Variants in WDCP observed in about 807,000 individuals in gnomAD.
WDCP encodes the protein WD repeat and coiled coil containing, also known as WD repeat and coiled-coil-containing protein.
A neutral mutation model predicts 41.6 loss-of-function variants in WDCP; 19 were observed. That is an observed-to-expected ratio of 0.46 (90% confidence interval 0.32 to 0.67). WDCP has a LOEUF of 0.67. Among genes scored for constraint, WDCP ranks in the 30% least tolerant of loss-of-function variants. The pLI, the probability that WDCP is intolerant of heterozygous loss-of-function variation, is 0.04. For synonymous variants in WDCP, 302 were observed against 320.8 expected (o/e 0.94, Z 0.63); for missense variants, 802 against 850.7 (o/e 0.94, Z 0.71).
intron 1 of WDCP, among the ~76,000 whole-genome samples, chr2:24,041,737 C>G (rs1253418033): frequency 6.6e-6 from 1 of 151,592 alleles, no homozygotes; most frequent in Non-Finnish European, 1.5e-5. Flanking sequence ...CCTGTAATCC[C>G]AGCTACTCGG....
chr2:24,038,048 T>C lies in WDCP; in HGVS notation c.1447A>G (p.Asn483Asp). The change falls in exon 2 of 4, where the codon AAT becomes GAT. Residue 483 changes from asparagine to aspartate, a missense_variant. Physicochemically the swap from Asn to Asp is conservative, Grantham distance 23. Around this residue, in one of 5 missense-constraint regions of WDCP, gnomAD observed 321 missense variants for 305.1 expected, o/e 1.05. Coordinates refer to ENST00000295148, the MANE Select transcript of WDCP (RefSeq NM_025203.3). ...HQNKGLLLTV[N>D]TSSQNGRPGR... ...GGCCTTCCATTCTGACTACTGGTAT[T>C]AACTGTCAGCAACAGCCCTTTGTTT... 2 of 1,614,202 alleles carry C rather than the reference T, an allele frequency of 1.2e-6. No individual in the cohort carries two copies. Among genetic ancestry groups the C allele is most frequent in the Non-Finnish European group, 1.7e-6 (2 of 1,180,028 alleles).
chr2:24,042,529 C>T (rs1381289278), intron 1 of WDCP, among the ~76,000 whole-genome samples: 8 of 133,824 alleles, frequency 6.0e-5, no homozygotes, highest in Middle Eastern at 4.1e-3. Context: ...GAGCAATACT[C>T]CGTCTCAAAA....
At chr2:24,035,872 C>T (rs1663233955) in intron 2 of WDCP, among the ~76,000 whole-genome samples, 1 of 151,654 alleles carries the variant, frequency 6.6e-6, no homozygotes, top group African/African-American at 2.4e-5. Flanking sequence ...AGATTGAGCT[C>T]ATCCTGGCCA....
At chr2:24,042,535 C>CAAAAAA (rs35044474) in intron 1 of WDCP, among the ~76,000 whole-genome samples, 1 of 61,576 alleles carries the variant, frequency 1.6e-5, no homozygotes, top group Non-Finnish European at 2.9e-5. Flanking sequence ...TACTCCGTCT[C>CAAAAAA]AAAAAAAAAA....
intron 2 of WDCP, among the ~76,000 whole-genome samples, chr2:24,036,142 A>G (rs1029313658): frequency 2.0e-5 from 3 of 149,986 alleles, no homozygotes; most frequent in African/African-American, 7.3e-5. Context: ...CTGTGACTTA[A>G]AAAAAAAAAT....
chr2:24,046,113 G>A (rs1430897901), intron 1 of WDCP, among the ~76,000 whole-genome samples: 1 of 151,852 alleles, frequency 6.6e-6, no homozygotes. Flanking sequence ...GACCCTGTTG[G>A]GGAGGTGGGG....
At chr2:24,040,806 T>TAC (rs2150952465) in intron 1 of WDCP, among the ~76,000 whole-genome samples, 1 of 150,334 alleles carries the variant, frequency 6.7e-6, no homozygotes, top group African/African-American at 2.4e-5. Flanking sequence ...CACCTGAGGT[T>TAC]GGGAGTTCGA....
intron 1 of WDCP, 21 bp from the exon 2 acceptor site, chr2:24,039,533 A>T: frequency 6.3e-7 from 1 of 1,590,306 alleles, no homozygotes; most frequent in Non-Finnish European, 8.6e-7. Flanking sequence ...TAAGAAGGAA[A>T]GTTACACCAT....
chr2:24,032,881 C>G lies in WDCP; in HGVS notation c.1884G>C (p.Arg628Ser). The G allele has an allele frequency of 6.2e-7, 1 of 1,613,808 alleles. No homozygotes were observed. Residue 628 changes from arginine to serine, a missense_variant, in exon 3 of 4, where the codon AGG (arginine) becomes AGC (serine). Arg to Ser is a moderately radical substitution (Grantham distance 110, BLOSUM62 -1). Transcript: ENST00000295148. ...CAAAAGTCTGCTGAACTGTACTGAG[C>G]CTTAGTTTACCATCACAGAGAAGCA... ...RAVLLCDGKL[R>S]LSTVQQTFGL...
rs746298020 is a variant in WDCP, at chr2:24,038,533, A to G, written c.962T>C (p.Leu321Pro). 13 of 1,614,272 alleles carry G rather than the reference A, an allele frequency of 8.1e-6. No individual in the cohort carries two copies. Among genetic ancestry groups the G allele is most frequent in the Non-Finnish European group, 2.5e-6 (3 of 1,180,052 alleles). Residue 321 changes from leucine (L) to proline (P), a missense_variant, in exon 2 of 4, where the codon CTT (leucine) becomes CCT (proline). Leu to Pro is a moderately conservative substitution (Grantham distance 98). Coordinates refer to ENST00000295148, the MANE Select transcript of WDCP (RefSeq NM_025203.3). Reference sequence around the variant, plus strand: ...GGTAACTGCCTTCTTAAAGGTCACAAGGACCAAATGTGAAGAATCTTGGCC... The same window carrying G: ...GGTAACTGCCTTCTTAAAGGTCACAGGGACCAAATGTGAAGAATCTTGGCC... ...GTGQDSSHLV[L>P]VTFKKAVTMT...
At chr2:24,043,263 G>A (rs1483198926) in intron 1 of WDCP, among the ~76,000 whole-genome samples, 1 of 152,180 alleles carries the variant, frequency 6.6e-6, no homozygotes, top group African/African-American at 2.4e-5. Flanking sequence ...TTGAACCTGG[G>A]AGGCAGATGT....
intron 1 of WDCP, 62 bp from the exon 2 acceptor site, chr2:24,039,574 C>T: frequency 6.7e-7 from 1 of 1,486,944 alleles, no homozygotes; most frequent in Non-Finnish European, 9.1e-7. Context: ...GAATGTAGGA[C>T]ATTTGGTAAG....
chr2:24,039,019 A>T lies in WDCP; in HGVS notation c.476T>A (p.Ile159Asn). 1 of 1,614,176 alleles carries T rather than the reference A, an allele frequency of 6.2e-7. No homozygotes were observed. The highest frequency in any genetic ancestry group is 1.1e-5 in the South Asian group (1 of 91,088). ...VKADINTQGRIHCACWTQDGL... is the reference protein window; with the variant it reads ...VKADINTQGRNHCACWTQDGL... ...ATCCTGGGTCCAACATGCACAGTGA[A>T]TGCGGCCCTGGGTGTTGATGTCTGC... Residue 159 changes from isoleucine (I) to asparagine (N), a missense_variant, in exon 2 of 4, where the codon ATT becomes AAT. Transcript: ENST00000295148.
At chr2:24,031,359 A>G (rs1188326212) in intron 3 of WDCP, among the ~76,000 whole-genome samples, 197 bp from the exon 4 acceptor site, 2 of 152,214 alleles carry the variant, frequency 1.3e-5, no homozygotes, top group Admixed American at 6.5e-5. Context: ...AAAAAGGGGA[A>G]AAAATGAAAT....
intron 1 of WDCP, among the ~76,000 whole-genome samples, chr2:24,042,859 C>T (rs1273493757): frequency 6.6e-6 from 1 of 151,168 alleles, no homozygotes; most frequent in Non-Finnish European, 1.5e-5. Flanking sequence ...CATGGAGAAA[C>T]CCCGTCTCTA....
chr2:24,034,254 C>G (rs986121831), intron 2 of WDCP, among the ~76,000 whole-genome samples: 5 of 152,086 alleles, frequency 3.3e-5, no homozygotes, highest in Admixed American at 3.3e-4. Context: ...AACCCCATCT[C>G]TACTATAAAT....
rs1201945542 is a variant in WDCP, at chr2:24,029,442, A to G, written c.*1491T>C. 6.6e-6 allele frequency: 1 copy of G among 152,206 alleles called. No homozygotes were observed. Among genetic ancestry groups the G allele is most frequent in the African/African-American group, 2.4e-5 (1 of 41,456 alleles). 9.4% of individuals were successfully genotyped at this position (152,206 alleles called of 1,614,324 possible). A position where few individuals can be genotyped will look rare whatever the true frequency, so the allele number is the denominator to read the frequency against. On this transcript the variant is annotated 3_prime_UTR_variant, in exon 4 of 4. Transcript: ENST00000295148. ...CCTTTTAGGTGCCCACATTGATCTT[A>G]GTTAACAGTCTTGTAGTTCCCTCTT... is the stretch of plus-strand genomic sequence containing the variant.
chr2:24,038,092 G>A lies in WDCP; in HGVS notation c.1403C>T (p.Ser468Phe). The A allele has an allele frequency of 1.2e-6, 2 of 1,614,178 alleles. No individual in the cohort carries two copies. Among genetic ancestry groups the A allele is most frequent in the Non-Finnish European group, 1.7e-6 (2 of 1,180,024 alleles). Reference sequence around the variant, plus strand: ...TTTGTTTTGGTGACAAAAATCTGGGGAAAGACTTTCAATTAACTTTTTTCT... The same window carrying A: ...TTTGTTTTGGTGACAAAAATCTGGGAAAAGACTTTCAATTAACTTTTTTCT... ...ANRKKLIESL[S>F]PDFCHQNKGL... Residue 468 changes from serine (S) to phenylalanine (F), a missense_variant, in exon 2 of 4, where the codon TCC becomes TTC. Transcript: ENST00000295148.
In WDCP at chr2:24,038,759, T is replaced by G; in HGVS notation, c.736A>C (p.Met246Leu). ...TFNIPPNSKD[M>L]TPYALPVIGE... ...ATAACTGGTAAAGCATACGGAGTCA[T>G]GTCTTTACTGTTAGGTGGGATATTA... Residue 246 changes from methionine to leucine, a missense_variant, in exon 2 of 4, where the codon ATG (methionine) becomes CTG (leucine). By Grantham distance (15) the Met-to-Leu change is conservative (BLOSUM62 2). Transcript: ENST00000295148. 1 of 1,614,204 alleles carries G rather than the reference T, an allele frequency of 6.2e-7. No individual in the cohort carries two copies. The highest frequency in any genetic ancestry group is 8.5e-7 in the Non-Finnish European group (1 of 1,180,022).
Sources: gnomAD v4.1 joint callset for allele counts (sites outside exome capture counted in the v4.1 genomes callset) on GRCh38, gnomAD v4.1.1 for gene constraint, gnomAD v4.1.1 regional missense constraint, MANE v1.5 for transcripts, NCBI Gene and HGNC (gene_info 2026-07-23, HGNC 2026-07-21) for gene names.